Variants in DAPL1 observed in about 807,000 individuals in gnomAD.
DAPL1 encodes death associated protein like 1.
Under a neutral mutation model 12.9 loss-of-function variants are expected in DAPL1, and 17 were observed. The ratio of observed to expected loss-of-function variants is 1.32; its 90% confidence interval spans 0.90 to 1.98. The LOEUF (loss-of-function observed/expected upper bound fraction) is 1.98, where lower values mean the gene tolerates loss of function less well. DAPL1 is among the 30% of genes most tolerant of loss of function. DAPL1 has a pLI of 0.00. For synonymous variants in DAPL1, 51 were observed against 42.0 expected, an observed-to-expected ratio of 1.21 and a Z score of -0.82; for missense variants, 157 against 125.7, an observed-to-expected ratio of 1.25 and a Z score of -1.19.
chr2:158,805,332 T>C (rs550322544), intron 2 of DAPL1, among the ~76,000 whole-genome samples: 2 of 152,350 alleles, frequency 1.3e-5, no homozygotes, highest in African/African-American at 4.8e-5. Context: ...AGCAAGTCAT[T>C]TGTTATTTCT....
intron 2 of DAPL1, among the ~76,000 whole-genome samples, chr2:158,804,617 T>A (rs1259370382): frequency 2.6e-5 from 4 of 152,328 alleles, no homozygotes; most frequent in African/African-American, 7.2e-5. Context: ...CCTGTCTGCA[T>A]CCAGCCCAGC....
At chr2:158,810,471 C>A (rs77650274) in intron 3 of DAPL1, among the ~76,000 whole-genome samples, 2 of 152,218 alleles carry the variant, frequency 1.3e-5, no homozygotes, top group Non-Finnish European at 2.9e-5. Context: ...TCCATAGGAA[C>A]TCATCAACCA....
chr2:158,813,654 C>G (rs948147106), intron 3 of DAPL1, among the ~76,000 whole-genome samples: 14 of 150,108 alleles, frequency 9.3e-5, no homozygotes, highest in Non-Finnish European at 1.5e-5. Flanking sequence ...CTCCTGGGTT[C>G]ATGCCATTCT....
chr2:158,814,612 A>G (rs1329982134), intron 3 of DAPL1, among the ~76,000 whole-genome samples: 1 of 152,226 alleles, frequency 6.6e-6, no homozygotes, highest in Non-Finnish European at 1.5e-5. Flanking sequence ...TATGAAAGGG[A>G]CTGCTGAGTG....
chr2:158,812,719 C>T (rs771009062), intron 3 of DAPL1, among the ~76,000 whole-genome samples: 7 of 149,126 alleles, frequency 4.7e-5, no homozygotes, highest in Non-Finnish European at 8.9e-5. Context: ...CACTTGAGCC[C>T]GGGAGTTCAA....
Position 158,804,190 on chromosome 2 carries a change from A to C in DAPL1, c.59-92A>C, listed in dbSNP as rs1448329086. 6.0e-6 allele frequency: 5 copies of C among 836,358 alleles called. No individual in the cohort carries two copies. The Admixed American group carries it at 8.6e-5, about 14-fold the overall frequency. The allele number at this position is 836,358 out of a possible 1,614,324, so 51.8% of individuals were successfully genotyped here. ...TAGATCTTTAAAAAATAAGTTCAAAAATTATTTTCAAATCTAAAGTCATAC... is the reference window on the plus strand; with the variant it reads ...TAGATCTTTAAAAAATAAGTTCAAACATTATTTTCAAATCTAAAGTCATAC... On this transcript the variant is annotated intron_variant, in intron 1 of 3. Transcript: ENST00000309950.
intron 1 of DAPL1, among the ~76,000 whole-genome samples, chr2:158,796,341 G>A (rs559004091): frequency 5.3e-5 from 8 of 152,258 alleles, no homozygotes; most frequent in African/African-American, 1.7e-4. Flanking sequence ...GGGTGATGGC[G>A]GGTATTGTCT....
At chr2:158,795,927 C>A (rs1323141456) in intron 1 of DAPL1, among the ~76,000 whole-genome samples, 1 of 152,190 alleles carries the variant, frequency 6.6e-6, no homozygotes, top group Non-Finnish European at 1.5e-5. Context: ...CTTTCTCCCT[C>A]CTCAGGCTTT....
chr2:158,808,571 A>T (rs2105154250), intron 3 of DAPL1, among the ~76,000 whole-genome samples: 1 of 152,320 alleles, frequency 6.6e-6, no homozygotes, highest in East Asian at 1.9e-4. Flanking sequence ...GATGAGCCAT[A>T]GCTACAGAGC....
intron 1 of DAPL1, among the ~76,000 whole-genome samples, chr2:158,800,731 C>T (rs2059162806): frequency 6.6e-6 from 1 of 152,196 alleles, no homozygotes; most frequent in Non-Finnish European, 1.5e-5. Context: ...ACTAGATTCC[C>T]TAGTTCCTCA....
At chr2:158,815,639 C>A in intron 3 of DAPL1, 66 bp from the exon 4 acceptor site, 1 of 950,000 alleles carries the variant, frequency 1.1e-6, no homozygotes, top group Non-Finnish European at 1.7e-6. Context: ...TCACTTTCTA[C>A]TAGTTTAATA....
chr2:158,811,682 C>T (rs1210150505), intron 3 of DAPL1, among the ~76,000 whole-genome samples: 1 of 152,192 alleles, frequency 6.6e-6, no homozygotes, highest in Non-Finnish European at 1.5e-5. Context: ...AGGCAGGATC[C>T]TTGTACATAT....
chr2:158,797,402 T>A (rs766396354), intron 1 of DAPL1, among the ~76,000 whole-genome samples: 6 of 152,018 alleles, frequency 3.9e-5, no homozygotes, highest in African/African-American at 7.2e-5. Context: ...TTTCAAGACA[T>A]CCTGATGCTG....
At chr2:158,813,661 T>C (rs1378925396) in intron 3 of DAPL1, among the ~76,000 whole-genome samples, 6 of 149,416 alleles carry the variant, frequency 4.0e-5, no homozygotes, top group African/African-American at 1.5e-4. Context: ...GTTCATGCCA[T>C]TCTCCTGCCT....
chr2:158,797,555 G>A (rs1285242313), intron 1 of DAPL1, among the ~76,000 whole-genome samples: 1 of 152,194 alleles, frequency 6.6e-6, no homozygotes, highest in East Asian at 1.9e-4. Context: ...ACTTTGGGAG[G>A]CCGAGGTGGG....
At chr2:158,801,778 T>A (rs537029878) in intron 1 of DAPL1, among the ~76,000 whole-genome samples, 1 of 152,244 alleles carries the variant, frequency 6.6e-6, no homozygotes, top group South Asian at 2.1e-4. Flanking sequence ...CAAGGTCATA[T>A]AAAAACAGCA....
intron 1 of DAPL1, 150 bp downstream of exon 1, chr2:158,795,580 G>T: frequency 1.3e-6 from 1 of 773,144 alleles, no homozygotes; most frequent in Non-Finnish European, 2.2e-6. Context: ...TTATGTCTTT[G>T]ATCCTTCTTA....
At chr2:158,798,438 G>A (rs2059147293) in intron 1 of DAPL1, among the ~76,000 whole-genome samples, 1 of 152,210 alleles carries the variant, frequency 6.6e-6, no homozygotes, top group African/African-American at 2.4e-5. Flanking sequence ...GAAGAGAGAG[G>A]CTGTGAGATT....
intron 3 of DAPL1, among the ~76,000 whole-genome samples, chr2:158,811,141 G>A (rs540549012): frequency 6.6e-6 from 1 of 152,252 alleles, no homozygotes; most frequent in African/African-American, 2.4e-5. Context: ...GGTTAAAGTT[G>A]GGGCTACTTT....
Sources: allele counts gnomAD v4.1 joint callset (sites outside exome capture counted in the v4.1 genomes callset), GRCh38; gene constraint gnomAD v4.1.1; transcripts MANE v1.5; gene names NCBI Gene and HGNC (gene_info 2026-07-23, HGNC 2026-07-21).